Variants in FBXL20 observed in about 807,000 individuals in gnomAD.
The protein encoded by FBXL20 is F-box and leucine rich repeat protein 20.
In FBXL20, 11 loss-of-function variants were observed where a neutral mutation model predicts 64.0. The observed-to-expected ratio is 0.17, with a 90% CI of 0.11 to 0.28. The LOEUF (loss-of-function observed/expected upper bound fraction) is 0.28, where lower values mean the gene tolerates loss of function less well. Ranked by LOEUF, FBXL20 falls within the 10% of genes least tolerant of loss-of-function variation. FBXL20 has a pLI of 1.00. For missense variants in FBXL20, 303 were observed against 526.2 expected (o/e 0.58, Z 4.15); for synonymous variants, 184 against 189.0 (o/e 0.97, Z 0.22).
At chr17:39,308,392 G>A (rs2047202018) in intron 2 of FBXL20, among the ~76,000 whole-genome samples, 1 of 151,854 alleles carries the variant, frequency 6.6e-6, no homozygotes, top group South Asian at 2.1e-4. Context: ...CTATCCAGGG[G>A]GCTAAGGAAA....
chr17:39,322,156 TC>T (rs1030552224), intron 2 of FBXL20, among the ~76,000 whole-genome samples: 35 of 107,232 alleles, frequency 3.3e-4, no homozygotes, highest in Non-Finnish European at 5.5e-4. Flanking sequence ...TGAGACACTA[TC>T]TCTACCAAAA....
intron 6 of FBXL20, among the ~76,000 whole-genome samples, chr17:39,287,148 T>C (rs2046996422): frequency 6.6e-6 from 1 of 152,040 alleles, no homozygotes; most frequent in African/African-American, 2.4e-5. Flanking sequence ...CCTGACCTTG[T>C]GATCTGCCCG....
At position 39,260,697 on chromosome 17, in the gene FBXL20, G is replaced by A. The variant is rs2046737434; in HGVS notation, c.*763C>T. 6.5e-6 allele frequency: 1 copy of A among 152,688 alleles called. No homozygotes were observed. Among genetic ancestry groups the A allele is most frequent in the African/African-American group, 2.4e-5 (1 of 41,438 alleles). 9.5% of individuals were successfully genotyped at this position (152,688 alleles called of 1,614,324 possible). On this transcript the variant is annotated 3_prime_UTR_variant, in exon 15 of 15. Coordinates refer to ENST00000264658, the MANE Select transcript of FBXL20 (RefSeq NM_032875.3). ...CTGTAAACACGACAACAGCAAAAGG[G>A]TAACAATTGAGTGAGTAAGCAGACT...
At chr17:39,387,779 T>C (rs1292514252) in intron 1 of FBXL20, among the ~76,000 whole-genome samples, 3 of 151,970 alleles carry the variant, frequency 2.0e-5, no homozygotes, top group Admixed American at 2.0e-4. Flanking sequence ...GGTCTCACTA[T>C]ATTGCTCAAG....
chr17:39,307,487 G>A (rs2047193528), intron 2 of FBXL20, among the ~76,000 whole-genome samples: 1 of 152,156 alleles, frequency 6.6e-6, no homozygotes, highest in South Asian at 2.1e-4. Context: ...AGACAGTGAA[G>A]CTGGACTGCA....
chr17:39,343,364 CAA>C (rs892915875), intron 1 of FBXL20, 123 bp from the exon 2 acceptor site: 2 of 578,330 alleles, frequency 3.5e-6, no homozygotes, highest in Admixed American at 7.7e-5. Context: ...CATCATAAAC[CAA>C]AGTCATAATT....
chr17:39,326,787 CAT>C (rs2047413396), intron 2 of FBXL20, among the ~76,000 whole-genome samples: 1 of 151,310 alleles, frequency 6.6e-6, no homozygotes, highest in Non-Finnish European at 1.5e-5. Flanking sequence ...ACCCGGCTAA[CAT>C]ATATACACAC....
chr17:39,304,267 A>C (rs2047161995), intron 2 of FBXL20, among the ~76,000 whole-genome samples: 1 of 151,976 alleles, frequency 6.6e-6, no homozygotes, highest in Admixed American at 6.6e-5. Context: ...CAAAAGAAAG[A>C]AGCCAGGGGA....
At position 39,264,385 on chromosome 17, in the gene FBXL20, ACT is replaced by A; in HGVS notation, c.991_992del (p.Leu332ValfsTer4). On this transcript the variant is annotated frameshift_variant and splice_region_variant, in exon 14 of 15. Coordinates refer to ENST00000264658, the MANE Select transcript of FBXL20 (RefSeq NM_032875.3). LOFTEE classifies it high-confidence loss of function. ...CTGTGATCAGCTCACAGTGAGACAG[ACT>A]CTGCAGCCAAATAGAGCAAGGAAGG... ...SIHCPRLQVL[S>X]LSHCELITDD... 2 of 1,612,048 alleles carry A rather than the reference ACT, an allele frequency of 1.2e-6. No individual in the cohort carries two copies. Among genetic ancestry groups the A allele is most frequent in the Non-Finnish European group, 1.7e-6 (2 of 1,179,112 alleles).
chr17:39,364,929 CA>C (rs1304728854), intron 1 of FBXL20, among the ~76,000 whole-genome samples: 1 of 152,136 alleles, frequency 6.6e-6, no homozygotes, highest in African/African-American at 2.4e-5. Context: ...TTTTAAGCCA[CA>C]AAGTTACAGG....
At chr17:39,283,555 T>G (rs1026383963) in intron 7 of FBXL20, among the ~76,000 whole-genome samples, 6 of 152,064 alleles carry the variant, frequency 3.9e-5, no homozygotes, top group Non-Finnish European at 8.8e-5. Context: ...CCCGCCTCAG[T>G]CCCTCAAGTA....
At chr17:39,279,364 T>C (rs555979747) in intron 9 of FBXL20, among the ~76,000 whole-genome samples, 21 of 151,792 alleles carry the variant, frequency 1.4e-4, no homozygotes, top group African/African-American at 4.8e-5. Context: ...CCAGGTGTGG[T>C]GGCACACACC....
In FBXL20 at chr17:39,261,413, G is replaced by A; in HGVS notation, c.*47C>T. Reference sequence around the variant, plus strand: ...CTGGAGAGACTCCACGGTAGCTCTAGAAGTGTCATTAAATACTCAGTTCGC... The same window carrying A: ...CTGGAGAGACTCCACGGTAGCTCTAAAAGTGTCATTAAATACTCAGTTCGC... On this transcript the variant is annotated 3_prime_UTR_variant, in exon 15 of 15. Transcript: ENST00000264658. 6.9e-7 allele frequency: 1 copy of A among 1,450,208 alleles called. No individual in the cohort carries two copies. The highest frequency in any genetic ancestry group is 9.7e-7 in the Non-Finnish European group (1 of 1,031,300). 89.8% of individuals were successfully genotyped at this position (1,450,208 alleles called of 1,614,324 possible).
chr17:39,390,786 C>T (rs1046417036), intron 1 of FBXL20, among the ~76,000 whole-genome samples: 2 of 151,976 alleles, frequency 1.3e-5, no homozygotes, highest in African/African-American at 2.4e-5. Context: ...CAGTGGCTCA[C>T]GCCTGTAATC....
Position 39,260,526 on chromosome 17 carries a change from T to C in FBXL20, c.*934A>G, listed in dbSNP as rs1442795121. 1 of 149,146 alleles carries C rather than the reference T, an allele frequency of 6.7e-6. No individual in the cohort carries two copies. The highest frequency in any genetic ancestry group is 1.5e-5 in the Non-Finnish European group (1 of 68,006). 9.2% of individuals were successfully genotyped at this position (149,146 alleles called of 1,614,324 possible). On this transcript the variant is annotated 3_prime_UTR_variant, in exon 15 of 15. Coordinates refer to ENST00000264658, the MANE Select transcript of FBXL20 (RefSeq NM_032875.3). The stretch of plus-strand genomic sequence containing the variant: ...CAAAACAGTTTCTTCTCATAACTTT[T>C]CTTGCTTTCATTAGAGTTTCCTTGC...
Position 39,324,021 on chromosome 17 carries a change from C to CG in FBXL20, c.104+19158_104+19159insC, listed in dbSNP as rs1485146714. On this transcript the variant is annotated intron_variant, in intron 2 of 14. Transcript: ENST00000264658. ...CCTCGTGATCCAACCCCCTCCCCCC[C>CG]CCACCCCCTGGCCTCCCAAAGTGCT... Among the ~76,000 whole-genome samples, 107 of 140,908 alleles carry CG rather than the reference C, an allele frequency of 7.6e-4. 4 individuals are homozygous for CG. The highest frequency in any genetic ancestry group is 2.8e-3 in the African/African-American group (99 of 34,958). 92.4% of individuals were successfully genotyped at this position (140,908 alleles called of 152,430 possible). A position where few individuals can be genotyped will look rare whatever the true frequency, so the allele number is the denominator to read the frequency against.
upstream of FBXL20, chr17:39,402,141 C>T (rs2144699497): frequency 1.6e-6 from 2 of 1,233,382 alleles, no homozygotes; most frequent in South Asian, 4.1e-5. Context: ...GCATCCTTCC[C>T]GGCCACCCAG....
At chr17:39,286,992 A>G (rs1408761617) in intron 6 of FBXL20, among the ~76,000 whole-genome samples, 3 of 144,582 alleles carry the variant, frequency 2.1e-5, no homozygotes, top group Non-Finnish European at 4.5e-5. Flanking sequence ...GGCTCAATGC[A>G]ACCTCCGCCT....
At chr17:39,323,434 C>A (rs959916477) in intron 2 of FBXL20, among the ~76,000 whole-genome samples, 2 of 152,238 alleles carry the variant, frequency 1.3e-5, no homozygotes, top group East Asian at 3.9e-4. Context: ...AGACACTAGG[C>A]AGCTTATTAA....
Sources: allele counts gnomAD v4.1 joint callset (sites outside exome capture counted in the v4.1 genomes callset), GRCh38; gene constraint gnomAD v4.1.1; transcripts MANE v1.5; gene names NCBI Gene and HGNC (gene_info 2026-07-23, HGNC 2026-07-21).